Variants in PDE4D observed in about 807,000 individuals in gnomAD.
PDE4D encodes 3',5'-cyclic-AMP phosphodiesterase 4D.
Under a neutral mutation model 87.4 loss-of-function variants are expected in PDE4D, and 24 were observed. The observed-to-expected ratio is 0.27, with a 90% CI of 0.20 to 0.39. The LOEUF (loss-of-function observed/expected upper bound fraction) is 0.39. Ranked by LOEUF, PDE4D falls within the 10% of genes least tolerant of loss-of-function variation. PDE4D has a pLI of 1.00. For missense variants in PDE4D, 714 were observed against 1,041.0 expected, an observed-to-expected ratio of 0.69 and a Z score of 4.32; for synonymous variants, 384 against 383.2, an observed-to-expected ratio of 1.00 and a Z score of -0.02.
At chr5:59,043,395 C>T (rs1005170977) in intron 5 of PDE4D, among the ~76,000 whole-genome samples, 10 of 152,044 alleles carry the variant, frequency 6.6e-5, no homozygotes, top group Admixed American at 2.6e-4. Context: ...TGGTGGCGGG[C>T]GCCTGTAGTC....
chr5:60,067,260 T>C (rs1262455383), intron 2 of PDE4D, among the ~76,000 whole-genome samples: 1 of 152,106 alleles, frequency 6.6e-6, no homozygotes, highest in African/African-American at 2.4e-5. Context: ...TAAATTGATA[T>C]GGTAGATGAG....
chr5:60,213,394 C>A (rs1743477899), intron 1 of PDE4D, among the ~76,000 whole-genome samples: 1 of 152,162 alleles, frequency 6.6e-6, no homozygotes, highest in Admixed American at 6.5e-5. Flanking sequence ...TTGGTGGCAG[C>A]CTCCTGTTCC....
rs751797196 is a variant in PDE4D at position 58,972,935 on chromosome 5, C to T, written c.*1729G>A. On this transcript the variant is annotated 3_prime_UTR_variant, in exon 15 of 15. Coordinates refer to ENST00000340635, the MANE Select transcript of PDE4D (RefSeq NM_001104631.2). ...ACTAACCCTCTGGTGCCAGTGGCAT[C>T]ATCTTCTTTCCCTCCATGTGTTTAA... 6.6e-6 allele frequency: 1 copy of T among 152,154 alleles called. No homozygotes were observed. Among genetic ancestry groups the T allele is most frequent in the African/African-American group, 2.4e-5 (1 of 41,438 alleles). 9.4% of individuals were successfully genotyped at this position (152,154 alleles called of 1,614,324 possible).
At chr5:60,336,348 T>C (rs1413885643) in intron 1 of PDE4D, among the ~76,000 whole-genome samples, 1 of 152,206 alleles carries the variant, frequency 6.6e-6, no homozygotes, top group African/African-American at 2.4e-5. Flanking sequence ...TTACTGTAAA[T>C]ATGTGTTTGT....
At chr5:60,519,435 T>C (rs1043981005) in intron 1 of PDE4D, among the ~76,000 whole-genome samples, 8 of 152,358 alleles carry the variant, frequency 5.3e-5, no homozygotes, top group Admixed American at 6.5e-5. Flanking sequence ...AAATCCATTA[T>C]AATGAAAGAG....
intron 1 of PDE4D, among the ~76,000 whole-genome samples, chr5:59,249,553 C>A (rs1759511741): frequency 6.6e-6 from 1 of 151,844 alleles, no homozygotes; most frequent in African/African-American, 2.4e-5. Flanking sequence ...CCTGAATATC[C>A]AATAATTGGC....
At chr5:59,199,970 A>T (rs955463952) in intron 2 of PDE4D, among the ~76,000 whole-genome samples, 1 of 149,608 alleles carries the variant, frequency 6.7e-6, no homozygotes, top group Non-Finnish European at 1.5e-5. Context: ...ATACAGGCAC[A>T]TACATACATA....
chr5:60,284,525 A>T (rs1308806439), intron 1 of PDE4D, among the ~76,000 whole-genome samples: 5 of 152,188 alleles, frequency 3.3e-5, no homozygotes, highest in African/African-American at 9.6e-5. Context: ...GAAGTGTGTT[A>T]TCTGCTTTTA....
At chr5:59,005,301 T>C (rs1369047920) in intron 6 of PDE4D, among the ~76,000 whole-genome samples, 1 of 152,214 alleles carries the variant, frequency 6.6e-6, no homozygotes, top group Non-Finnish European at 1.5e-5. Flanking sequence ...GGCATTCTAA[T>C]AGGTGCTGGA....
intron 1 of PDE4D, among the ~76,000 whole-genome samples, chr5:60,466,929 A>G (rs1423845492): frequency 6.8e-6 from 1 of 148,112 alleles, no homozygotes; most frequent in Non-Finnish European, 1.5e-5. Flanking sequence ...AAAATATGGC[A>G]TATATATTTT....
chr5:60,328,119 A>G (rs966589812), intron 1 of PDE4D, among the ~76,000 whole-genome samples: 8 of 152,156 alleles, frequency 5.3e-5, no homozygotes, highest in Non-Finnish European at 1.5e-5. Flanking sequence ...TGGTTTTAAC[A>G]AACTGTTCAT....
At chr5:60,136,497 TG>T (rs1205591535) in intron 2 of PDE4D, among the ~76,000 whole-genome samples, 1 of 152,110 alleles carries the variant, frequency 6.6e-6, no homozygotes, top group Non-Finnish European at 1.5e-5. Context: ...GTATTTTTAG[TG>T]GAGTCAAGGT....
At chr5:60,299,127 T>C (rs1266656846) in intron 1 of PDE4D, among the ~76,000 whole-genome samples, 1 of 152,232 alleles carries the variant, frequency 6.6e-6, no homozygotes, top group Non-Finnish European at 1.5e-5. Flanking sequence ...AGGTTTTTTT[T>C]CAACCTTCTG....
chr5:60,211,260 G>C (rs535573656), intron 1 of PDE4D, among the ~76,000 whole-genome samples: 1 of 152,148 alleles, frequency 6.6e-6, no homozygotes, highest in African/African-American at 2.4e-5. Context: ...GAGGTTGAAG[G>C]AGTTTGTGTG....
chr5:59,869,171 G>C (rs1199463856), intron 1 of PDE4D, among the ~76,000 whole-genome samples: 1 of 152,168 alleles, frequency 6.6e-6, no homozygotes, highest in East Asian at 1.9e-4. Context: ...AAGCTGCTAT[G>C]GATGAAATAA....
At chr5:59,573,443 C>T (rs1422341412) in intron 1 of PDE4D, among the ~76,000 whole-genome samples, 1 of 152,090 alleles carries the variant, frequency 6.6e-6, no homozygotes, top group Non-Finnish European at 1.5e-5. Context: ...CCCAATACCC[C>T]TCACCCACCG....
At chr5:59,092,559 T>G (rs1272139273) in intron 5 of PDE4D, among the ~76,000 whole-genome samples, 2 of 151,162 alleles carry the variant, frequency 1.3e-5, no homozygotes, top group East Asian at 3.9e-4. Context: ...AATGATTTTG[T>G]AAAAGTACGG....
At chr5:59,680,109 A>T (rs1748756336) in intron 1 of PDE4D, among the ~76,000 whole-genome samples, 1 of 152,174 alleles carries the variant, frequency 6.6e-6, no homozygotes, top group Non-Finnish European at 1.5e-5. Context: ...AACAAAAAGC[A>T]TAAAAAATAC....
At chr5:60,294,366 G>A (rs1753192094) in intron 1 of PDE4D, among the ~76,000 whole-genome samples, 1 of 152,004 alleles carries the variant, frequency 6.6e-6, no homozygotes, top group African/African-American at 2.4e-5. Flanking sequence ...AAATATTTTT[G>A]TCCTGTTAGT....
Sources: allele counts gnomAD v4.1 joint callset (sites outside exome capture counted in the v4.1 genomes callset), GRCh38; gene constraint gnomAD v4.1.1; transcripts MANE v1.5; gene names NCBI Gene and HGNC (gene_info 2026-07-23, HGNC 2026-07-21).